Variants in FAM78A observed in about 807,000 individuals in gnomAD.
The protein encoded by FAM78A is family with sequence similarity 78 member A, also known as protein FAM78A.
A neutral mutation model predicts 22.6 loss-of-function variants in FAM78A; 12 were observed. The ratio of observed to expected loss-of-function variants is 0.53; its 90% CI spans 0.34 to 0.86. The LOEUF is 0.86. FAM78A is among the 40% of genes least tolerant of loss of function. The pLI, the probability that FAM78A is intolerant of heterozygous loss-of-function variation, is 0.02. For missense variants in FAM78A, 322 were observed against 396.1 expected (o/e 0.81, Z 1.59); for synonymous variants, 151 against 155.8 (o/e 0.97, Z 0.23).
intron 1 of FAM78A, chr9:131,263,760 T>A (rs1358049557): frequency 6.6e-6 from 1 of 152,644 alleles, no homozygotes; most frequent in East Asian, 1.9e-4. Flanking sequence ...ATTAGGAACA[T>A]GATTTTGCTA....
chr9:131,272,463 C>T lies in FAM78A; in HGVS notation c.323+3394G>A, dbSNP rs141228625. ...CCCCCTACCATGCACAGGACACCCC[C>T]CACCAGCACAGACAGAATTACCTGA... On this transcript the variant is annotated intron_variant, in intron 1 of 1. Coordinates refer to ENST00000372271, the MANE Select transcript of FAM78A (RefSeq NM_033387.4). This position sits in a 1 kb window ranked among gnomAD's most constrained non-coding sequence, Gnocchi z 4.1. Among the ~76,000 whole-genome samples, 112 of 152,318 alleles carry T rather than the reference C, an allele frequency of 7.4e-4. No individual in the cohort carries two copies. The highest frequency in any genetic ancestry group is 2.6e-3 in the African/African-American group (108 of 41,574).
chr9:131,269,121 A>G (rs1327699953), intron 1 of FAM78A, among the ~76,000 whole-genome samples: 1 of 143,602 alleles, frequency 7.0e-6, no homozygotes, highest in African/African-American at 2.5e-5. Flanking sequence ...AAAAAAAAAA[A>G]GAAGTGTATC....
chr9:131,277,019 G>C (rs549444498), upstream of FAM78A, among the ~76,000 whole-genome samples: 477 of 149,980 alleles, frequency 3.2e-3, 2 homozygotes, highest in African/African-American at 0.011. This position sits in a 1 kb window ranked among gnomAD's most constrained non-coding sequence, Gnocchi z 8.4. Flanking sequence ...GGGGGCGCGC[G>C]GGGGCGGCGA....
At position 131,266,666 on chromosome 9, in the gene FAM78A, G is replaced by A. The variant is rs143534096; in HGVS notation, c.324-5316C>T. ...CCACTGGATCTCATCCCACTGCCCC[G>A]TGGCCTGTTCATGAGGGTGATTAAA... On this transcript the variant is annotated intron_variant, in intron 1 of 1. Transcript: ENST00000372271. Among the ~76,000 whole-genome samples the A allele has an allele frequency of 1.6e-4, 25 of 152,290 alleles. No homozygotes were observed. In the East Asian group the frequency reaches 3.3e-3, roughly 20 times the overall value.
chr9:131,277,727 C>CG (rs1276251592), upstream of FAM78A, among the ~76,000 whole-genome samples: 4 of 150,650 alleles, frequency 2.7e-5, no homozygotes, highest in African/African-American at 4.9e-5. This position sits in a 1 kb window ranked among gnomAD's most constrained non-coding sequence, Gnocchi z 8.4. Flanking sequence ...CTTGGGGCTT[C>CG]GGGGGGGCGG....
At chr9:131,269,200 CTT>C (rs529595742) in intron 1 of FAM78A, among the ~76,000 whole-genome samples, 12 of 152,024 alleles carry the variant, frequency 7.9e-5, no homozygotes, top group Admixed American at 7.2e-4. Context: ...GGTAAACATC[CTT>C]TGAGACCTTG....
chr9:131,270,150 G>A (rs1835399420), intron 1 of FAM78A: 2 of 630,544 alleles, frequency 3.2e-6, no homozygotes, highest in Non-Finnish European at 5.8e-6. Context: ...ATGTTGCAGT[G>A]AGCCAAGATC....
In FAM78A at chr9:131,261,157, T is replaced by A; in HGVS notation, c.517A>T (p.Ser173Cys). 2 of 1,614,110 alleles carry A rather than the reference T, an allele frequency of 1.2e-6. No homozygotes were observed. The highest frequency in any genetic ancestry group is 1.7e-6 in the Non-Finnish European group (2 of 1,180,018). Residue 173 changes from serine (S) to cysteine (C), a missense_variant, in exon 2 of 2, where the codon AGC becomes TGC. Ser to Cys is a moderately radical substitution (Grantham distance 112, BLOSUM62 -1). Coordinates refer to ENST00000372271, the MANE Select transcript of FAM78A (RefSeq NM_033387.4). This position sits in a 1 kb window ranked among gnomAD's most constrained non-coding sequence, Gnocchi z 7.1. ...GTGAGCTTGGCCACGTTGCTCTCGC[T>A]GACGGGCACGGCCCATGTGACGCTG... ...YPSVTWAVPVSESNVAKLTNI... is the reference protein window; with the variant it reads ...YPSVTWAVPVCESNVAKLTNI...
intron 1 of FAM78A, among the ~76,000 whole-genome samples, chr9:131,269,124 AGT>A: frequency 6.7e-6 from 1 of 148,878 alleles, no homozygotes; most frequent in East Asian, 2.0e-4. Flanking sequence ...AAAAAAAAGA[AGT>A]GTATCAAGTG....
In FAM78A at chr9:131,275,319, T is replaced by C. The variant is rs1284141615; in HGVS notation, c.323+538A>G. Among the ~76,000 whole-genome samples, 3 of 152,168 alleles carry C rather than the reference T, an allele frequency of 2.0e-5. No individual in the cohort carries two copies. On this transcript the variant is annotated intron_variant, in intron 1 of 1. Transcript: ENST00000372271. The surrounding 1 kb of genome is among the most constrained non-coding windows in gnomAD (Gnocchi z 4.6). The stretch of plus-strand genomic sequence containing the variant: ...AAACTAACTGTGCTCTCAAACACAG[T>C]GCCGTTTGGAACGGGGAAGCACTCC...
In FAM78A at chr9:131,260,681, C is replaced by CG; in HGVS notation, c.*140dup. The CG allele has an allele frequency of 1.9e-6, 2 of 1,069,348 alleles. No homozygotes were observed. The highest frequency in any genetic ancestry group is 2.6e-6 in the Non-Finnish European group (2 of 780,242). The allele number at this position is 1,069,348 out of a possible 1,614,324, so 66.2% of individuals were successfully genotyped here. On this transcript the variant is annotated 3_prime_UTR_variant, in exon 2 of 2. Coordinates refer to ENST00000372271, the MANE Select transcript of FAM78A (RefSeq NM_033387.4). The surrounding 1 kb of genome is among the most constrained non-coding windows in gnomAD (Gnocchi z 5.4). ...GTGCCGAGAGCCGGGGAGGCCTTCC[C>CG]GGGGGCATCAGCACAGTGAGATCCG...
chr9:131,258,628 G>A lies in FAM78A; in HGVS notation c.*2194C>T, dbSNP rs1835219594. 6.6e-6 allele frequency: 1 copy of A among 152,252 alleles called. No homozygotes were observed. The highest frequency in any genetic ancestry group is 6.5e-5 in the Admixed American group (1 of 15,272). 9.4% of individuals were successfully genotyped at this position (152,252 alleles called of 1,614,324 possible). ...ATTCTGGTCTCCAGCCCCACCTCCA[G>A]GAATAAACCAGCGGCCTGAGACCCG... On this transcript the variant is annotated 3_prime_UTR_variant, in exon 2 of 2. Transcript: ENST00000372271.
chr9:131,262,381 C>T (rs1229342610), intron 1 of FAM78A, among the ~76,000 whole-genome samples: 2 of 149,456 alleles, frequency 1.3e-5, no homozygotes, highest in African/African-American at 2.5e-5. Flanking sequence ...GAGGCTGAGG[C>T]AGAAGAATTG....
At position 131,268,150 on chromosome 9, in the gene FAM78A, T is replaced by C. The variant is rs148270814; in HGVS notation, c.324-6800A>G. 3.6e-3 allele frequency among the ~76,000 whole-genome samples: 552 copies of C among 152,136 alleles called. 7 individuals carry two copies. Among genetic ancestry groups the C allele is most frequent in the African/African-American group, 0.012 (511 of 41,484 alleles). ...CCTGGTTTCAGTCCCTCACACAGGCTGGGCAGGAAGTTAGGAATTATTTTA... is the reference window on the plus strand; with the variant it reads ...CCTGGTTTCAGTCCCTCACACAGGCCGGGCAGGAAGTTAGGAATTATTTTA... On this transcript the variant is annotated intron_variant, in intron 1 of 1. Coordinates refer to ENST00000372271, the MANE Select transcript of FAM78A (RefSeq NM_033387.4).
In FAM78A at chr9:131,270,920, C is replaced by G. The variant is rs760367136; in HGVS notation, c.323+4937G>C. On this transcript the variant is annotated intron_variant, in intron 1 of 1. Coordinates refer to ENST00000372271, the MANE Select transcript of FAM78A (RefSeq NM_033387.4). ...ACGGCAGGTGGGAAGGCGCCCGAGG[C>G]AGCCATTCTCAGCGTCATCCCAGCA... is the stretch of plus-strand genomic sequence containing the variant. 2.0e-5 allele frequency among the ~76,000 whole-genome samples: 3 copies of G among 151,826 alleles called. No individual in the cohort carries two copies. The South Asian group carries it at 6.2e-4, about 31-fold the overall frequency.
rs1281008520 is a variant in FAM78A, at chr9:131,265,506, C to T, written c.324-4156G>A. 6.6e-6 allele frequency among the ~76,000 whole-genome samples: 1 copy of T among 152,218 alleles called. No individual in the cohort carries two copies. ...TCAGGTAACCCACCCACCTCAGCCT[C>T]TCACAGTGCTGGGATTACAGGCGTG... On this transcript the variant is annotated intron_variant, in intron 1 of 1. Transcript: ENST00000372271. The surrounding 1 kb of genome is among the most constrained non-coding windows in gnomAD (Gnocchi z 4.3).
intron 1 of FAM78A, among the ~76,000 whole-genome samples, chr9:131,267,894 T>A (rs567301200): frequency 6.7e-4 from 101 of 151,774 alleles, no homozygotes; most frequent in Non-Finnish European, 1.1e-3. Context: ...AAATATATTT[T>A]AAAAAAAATT....
At chr9:131,277,971 G>T (rs1168617380), upstream of FAM78A, among the ~76,000 whole-genome samples, 3 of 146,232 alleles carry the variant, frequency 2.1e-5, no homozygotes, top group East Asian at 6.0e-4. This position sits in a 1 kb window ranked among gnomAD's most constrained non-coding sequence, Gnocchi z 8.4. Context: ...CGCCGCCGCC[G>T]CCGGCCGAGC....
upstream of FAM78A, among the ~76,000 whole-genome samples, chr9:131,279,008 C>G (rs151133260): frequency 2.0e-5 from 3 of 152,392 alleles, no homozygotes; most frequent in Non-Finnish European, 4.4e-5. Context: ...AGCACCGGCT[C>G]AGCCATGGAG....
Sources: gnomAD v4.1 joint callset for allele counts (sites outside exome capture counted in the v4.1 genomes callset) on GRCh38, gnomAD v4.1.1 for gene constraint, Gnocchi (gnomAD v3.1) non-coding constraint, MANE v1.5 for transcripts, NCBI Gene and HGNC (gene_info 2026-07-23, HGNC 2026-07-21) for gene names.